The following SLCO4C1 variants were observed in gnomAD, a reference collection of about 807,000 sequenced individuals.
SLCO4C1 encodes solute carrier organic anion transporter family member 4C1.
In SLCO4C1, 58 loss-of-function variants were observed where a neutral mutation model predicts 72.1. The observed-to-expected ratio is 0.80, with a 90% confidence interval of 0.65 to 1.00. SLCO4C1 has a LOEUF of 1.00. Ranked by LOEUF, SLCO4C1 falls within the 50% of genes least tolerant of loss-of-function variation. The probability of loss-of-function intolerance (pLI) is 0.00; values close to 1 mark genes in which losing one functional copy is unlikely to be tolerated. For missense variants in SLCO4C1, 898 were observed against 857.9 expected (o/e 1.05, Z -0.58); for synonymous variants, 297 against 312.5 (o/e 0.95, Z 0.52).
intron 1 of SLCO4C1, among the ~76,000 whole-genome samples, chr5:102,294,071 A>G (rs1035527980): frequency 6.6e-6 from 1 of 152,010 alleles, no homozygotes; most frequent in African/African-American, 2.4e-5. Flanking sequence ...ACAATGCCCA[A>G]CTAGTTTTTG....
chr5:102,264,754 A>C (rs1473075361), intron 3 of SLCO4C1, among the ~76,000 whole-genome samples: 1 of 152,020 alleles, frequency 6.6e-6, no homozygotes, highest in Non-Finnish European at 1.5e-5. Flanking sequence ...CTATCCATTA[A>C]CAAATCTCTC....
chr5:102,290,204 G>C (rs1749526551), intron 2 of SLCO4C1, among the ~76,000 whole-genome samples: 1 of 152,190 alleles, frequency 6.6e-6, no homozygotes, highest in African/African-American at 2.4e-5. Context: ...AAGCAAGAGA[G>C]CTACAGGGGA....
chr5:102,284,803 G>C (rs888575130), intron 2 of SLCO4C1, among the ~76,000 whole-genome samples: 2 of 152,116 alleles, frequency 1.3e-5, no homozygotes, highest in Non-Finnish European at 2.9e-5. Context: ...ACTATAGCTT[G>C]TAATGAGAAT....
intron 2 of SLCO4C1, among the ~76,000 whole-genome samples, chr5:102,278,067 G>T (rs545176271): frequency 9.7e-4 from 147 of 152,034 alleles, no homozygotes; most frequent in African/African-American, 3.4e-3. Flanking sequence ...AAAGGATATT[G>T]ACATAGTGAA....
Position 102,287,021 on chromosome 5 carries a change from G to A in SLCO4C1, c.619+4322C>T, listed in dbSNP as rs1749465246. ...AAGAACAACAGAAAAAGCACAGAAGGGTATGTTAATTTCCTCACTGTCCAT... is the reference window on the plus strand; with the variant it reads ...AAGAACAACAGAAAAAGCACAGAAGAGTATGTTAATTTCCTCACTGTCCAT... On this transcript the variant is annotated intron_variant, in intron 2 of 12. Coordinates refer to ENST00000310954, the MANE Select transcript of SLCO4C1 (RefSeq NM_180991.5). Among the ~76,000 whole-genome samples the A allele has an allele frequency of 2.0e-5, 3 of 151,560 alleles. No individual in the cohort carries two copies. The South Asian group carries it at 6.3e-4, about 32-fold the overall frequency.
intron 12 of SLCO4C1, among the ~76,000 whole-genome samples, chr5:102,238,881 G>A (rs980256763): frequency 6.6e-6 from 1 of 152,080 alleles, no homozygotes; most frequent in Non-Finnish European, 1.5e-5. Flanking sequence ...AGCCATATGT[G>A]TTTGCAACAC....
intron 2 of SLCO4C1, among the ~76,000 whole-genome samples, chr5:102,273,092 T>C (rs996663703): frequency 2.0e-5 from 3 of 152,190 alleles, no homozygotes; most frequent in Admixed American, 6.5e-5. Context: ...CACCCTGGAA[T>C]GGTCAAAAAA....
chr5:102,239,813 T>G (rs1310516666), intron 11 of SLCO4C1, among the ~76,000 whole-genome samples: 1 of 152,028 alleles, frequency 6.6e-6, no homozygotes, highest in Non-Finnish European at 1.5e-5. Context: ...GTATATAAAC[T>G]AACATGGGCC....
intron 5 of SLCO4C1, 128 bp downstream of exon 5, chr5:102,261,784 C>A: frequency 1.1e-6 from 1 of 916,104 alleles, no homozygotes; most frequent in Non-Finnish European, 1.5e-6. Context: ...CAAAAGTTTA[C>A]ATAGGCAGAC....
At chr5:102,258,154 G>A in intron 6 of SLCO4C1, 67 bp from the exon 7 acceptor site, 1 of 1,291,766 alleles carries the variant, frequency 7.7e-7, no homozygotes, top group Non-Finnish European at 1.0e-6. Flanking sequence ...AGAATTAGAA[G>A]GTTAGCATGA....
intron 1 of SLCO4C1, among the ~76,000 whole-genome samples, chr5:102,293,310 A>T (rs1749588807): frequency 6.6e-6 from 1 of 152,132 alleles, no homozygotes; most frequent in African/African-American, 2.4e-5. Flanking sequence ...TAATAGAAAG[A>T]ATTGTCTTTA....
At chr5:102,247,485 A>C (rs1026606140) in intron 9 of SLCO4C1, 43 bp from the exon 10 acceptor site, 21 of 1,310,710 alleles carry the variant, frequency 1.6e-5, no homozygotes, top group Non-Finnish European at 2.1e-5. Flanking sequence ...GATCATTTAG[A>C]AAATAAATTA....
At chr5:102,281,072 T>C (rs1251302826) in intron 2 of SLCO4C1, among the ~76,000 whole-genome samples, 1 of 152,092 alleles carries the variant, frequency 6.6e-6, no homozygotes, top group East Asian at 1.9e-4. Flanking sequence ...CTTATATAAG[T>C]ATAATAGTCA....
At chr5:102,247,644 G>A (rs1173460763) in intron 9 of SLCO4C1, among the ~76,000 whole-genome samples, 1 of 152,116 alleles carries the variant, frequency 6.6e-6, no homozygotes, top group Non-Finnish European at 1.5e-5. Context: ...ATCTGTATTT[G>A]ACTTTTGTGG....
Position 102,296,014 on chromosome 5 carries a change from A to T in SLCO4C1, c.249T>A (p.Phe83Leu), listed in dbSNP as rs1305892979. 9.3e-6 allele frequency: 15 copies of T among 1,614,104 alleles called. No individual in the cohort carries two copies. The highest frequency in any genetic ancestry group is 1.3e-5 in the Non-Finnish European group (15 of 1,180,048). Reference sequence around the variant, plus strand: ...TCCTCCAGCCGTAAGACCCCTCCTCAAACTCGGACAGCGACAGTGACCGGA... The same window carrying T: ...TCCTCCAGCCGTAAGACCCCTCCTCTAACTCGGACAGCGACAGTGACCGGA... ...EKLRSLSLSE[F>L]EEGSYGWRNF... is the part of the protein sequence containing the mutation. Residue 83 changes from phenylalanine to leucine, a missense_variant, in exon 1 of 13, where the codon TTT becomes TTA. Phe to Leu is a conservative substitution (Grantham distance 22). Transcript: ENST00000310954.
rs1429581158 is a variant in SLCO4C1, at chr5:102,249,794, A to C, written c.1470-6T>G. On this transcript the variant is annotated splice_region_variant and splice_polypyrimidine_tract_variant and intron_variant, in intron 8 of 12. Transcript: ENST00000310954. Reference sequence around the variant, plus strand: ...AGTTTCCCAATTCTCCAGTCCTGTAAATAAGAAATGAAAGAAGGGTAAATG... The same window carrying C: ...AGTTTCCCAATTCTCCAGTCCTGTACATAAGAAATGAAAGAAGGGTAAATG... The C allele has an allele frequency of 6.2e-7, 1 of 1,610,566 alleles. No homozygotes were observed. Among genetic ancestry groups the C allele is most frequent in the East Asian group, 2.2e-5 (1 of 44,830 alleles).
intron 10 of SLCO4C1, among the ~76,000 whole-genome samples, chr5:102,241,786 T>C (rs78888423): frequency 0.011 from 1,602 of 151,568 alleles, 25 homozygotes; most frequent in African/African-American, 0.037. Flanking sequence ...CCAGAATAGC[T>C]AAAACAGCCA....
chr5:102,258,115 T>C (rs1220217643), intron 6 of SLCO4C1, 28 bp from the exon 7 acceptor site: 1 of 1,516,236 alleles, frequency 6.6e-7, no homozygotes, highest in Non-Finnish European at 8.8e-7. Flanking sequence ...GTTCCTCAAA[T>C]GAATAGCTAT....
intron 2 of SLCO4C1, among the ~76,000 whole-genome samples, chr5:102,273,002 A>C (rs1441467034): frequency 2.9e-5 from 2 of 68,348 alleles, no homozygotes; most frequent in Non-Finnish European, 5.5e-5. Context: ...AAAGAAAAAA[A>C]CACAAACATG....
Sources: gnomAD v4.1 joint callset for allele counts (sites outside exome capture counted in the v4.1 genomes callset) on GRCh38, gnomAD v4.1.1 for gene constraint, MANE v1.5 for transcripts, NCBI Gene and HGNC (gene_info 2026-07-23, HGNC 2026-07-21) for gene names.